QRSL1: variants seen among roughly 807,000 people sequenced by gnomAD.
The protein encoded by QRSL1 is glutaminyl-tRNA amidotransferase subunit QRSL1.
QRSL1 carries 54 observed loss-of-function variants against 61.6 expected under a neutral mutation model. The ratio of observed to expected loss-of-function variants is 0.88; its 90% confidence interval spans 0.70 to 1.10. The LOEUF is 1.10. Among genes scored for constraint, QRSL1 ranks in the 50% least tolerant of loss-of-function variants. The pLI is 0.00. For missense variants in QRSL1, 505 were observed against 622.6 expected, an observed-to-expected ratio of 0.81 and a Z score of 2.01; for synonymous variants, 228 against 225.7, an observed-to-expected ratio of 1.01 and a Z score of -0.09.
chr6:106,643,073 A>G lies in QRSL1; in HGVS notation c.363A>G (p.Leu121=), dbSNP rs1209965078. 4 of 1,608,358 alleles carry G rather than the reference A, an allele frequency of 2.5e-6. No homozygotes were observed. The highest frequency in any genetic ancestry group is 1.6e-4 in the Middle Eastern group (1 of 6,068). The change falls in exon 4 of 11, where the codon TTA becomes TTG. Residue 121 remains leucine (L), a synonymous_variant. Coordinates refer to ENST00000369046, the MANE Select transcript of QRSL1 (RefSeq NM_018292.5). ...QGALLMGKTN[L]DEFAMGSGST... is the part of the protein sequence containing the mutation. ...CTCTACTAATGGGAAAAACAAATTT[A>G]GATGAGTTTGCTATGGGGTAAGTAA... is the stretch of plus-strand genomic sequence containing the variant.
intron 3 of QRSL1, 74 bp from the exon 4 acceptor site, chr6:106,642,920 A>T: frequency 9.5e-7 from 1 of 1,048,674 alleles, no homozygotes; most frequent in East Asian, 2.4e-5. Flanking sequence ...CTGTGAATTC[A>T]TGGCATAATA....
At position 106,668,033 on chromosome 6, in the gene QRSL1, A is replaced by C. The variant is rs946883484; in HGVS notation, c.*2031A>C. Reference sequence around the variant, plus strand: ...AGTCTCAAACTCCTGGGCTCAAGTGATCTGCCTCCCTCAGCCTCCCAAAGT... The same window carrying C: ...AGTCTCAAACTCCTGGGCTCAAGTGCTCTGCCTCCCTCAGCCTCCCAAAGT... On this transcript the variant is annotated 3_prime_UTR_variant, in exon 11 of 11. Transcript: ENST00000369046. 6.6e-6 allele frequency: 1 copy of C among 152,024 alleles called. No individual in the cohort carries two copies. The highest frequency in any genetic ancestry group is 1.5e-5 in the Non-Finnish European group (1 of 68,014). The allele number at this position is 152,024 out of a possible 1,614,324, so 9.4% of individuals were successfully genotyped here. A position where few individuals can be genotyped will look rare whatever the true frequency, so the allele number is the denominator to read the frequency against.
intron 4 of QRSL1, among the ~76,000 whole-genome samples, chr6:106,646,014 T>G (rs1324390335): frequency 3.9e-5 from 6 of 152,248 alleles, no homozygotes; most frequent in African/African-American, 1.4e-4. Flanking sequence ...TGCCTTGATC[T>G]TGATCTTAGG....
At chr6:106,643,204 G>A in intron 4 of QRSL1, 114 bp downstream of exon 4, 1 of 726,728 alleles carries the variant, frequency 1.4e-6, no homozygotes, top group South Asian at 1.9e-5. Flanking sequence ...GTCCCTCTGT[G>A]AGATTATGTT....
At chr6:106,660,829 G>A (rs984872352) in intron 9 of QRSL1, among the ~76,000 whole-genome samples, 80 of 152,236 alleles carry the variant, frequency 5.3e-4, no homozygotes, top group African/African-American at 1.8e-3. Flanking sequence ...AAGAGGGAGA[G>A]AAAGGGAAAG....
rs1777470588 is a variant in QRSL1 at position 106,668,127 on chromosome 6, ATAT to A, written c.*2130_*2132del. 6.6e-6 allele frequency: 1 copy of A among 152,016 alleles called. No homozygotes were observed. The highest frequency in any genetic ancestry group is 1.5e-5 in the Non-Finnish European group (1 of 68,030). 9.4% of individuals were successfully genotyped at this position (152,016 alleles called of 1,614,324 possible). A position where few individuals can be genotyped will look rare whatever the true frequency, so the allele number is the denominator to read the frequency against. Reference sequence around the variant, plus strand: ...AATATTCAATATTATATATTCAATGATATTATTCAGTATTCAATATTATTTCAA... The same window carrying A: ...AATATTCAATATTATATATTCAATGATATTCAGTATTCAATATTATTTCAA... On this transcript the variant is annotated 3_prime_UTR_variant, in exon 11 of 11. Coordinates refer to ENST00000369046, the MANE Select transcript of QRSL1 (RefSeq NM_018292.5).
In QRSL1 at chr6:106,656,517, A is replaced by T. The variant is rs1777273770; in HGVS notation, c.1160+785A>T. On this transcript the variant is annotated intron_variant, in intron 9 of 10. Coordinates refer to ENST00000369046, the MANE Select transcript of QRSL1 (RefSeq NM_018292.5). ...AACAGGCTTCATCTTCTATACCACC[A>T]AGTGTGTCTAAGAGGACATGAGAAG... 3.3e-5 allele frequency among the ~76,000 whole-genome samples: 5 copies of T among 152,224 alleles called. No individual in the cohort carries two copies. The South Asian group carries it at 1.0e-3, about 31-fold the overall frequency.
intron 10 of QRSL1, among the ~76,000 whole-genome samples, chr6:106,665,446 C>A (rs1777416505): frequency 6.6e-6 from 1 of 152,162 alleles, no homozygotes; most frequent in African/African-American, 2.4e-5. Flanking sequence ...CAAAGTAATT[C>A]TCTGGGGCAT....
intron 1 of QRSL1, among the ~76,000 whole-genome samples, chr6:106,636,131 T>A (rs1207320153): frequency 2.0e-5 from 3 of 152,106 alleles, no homozygotes; most frequent in Admixed American, 6.5e-5. Context: ...ATTTTTGGGT[T>A]AGGGATGCTC....
At position 106,663,791 on chromosome 6, in the gene QRSL1, C is replaced by A. The variant is rs542419073; in HGVS notation, c.1366+606C>A. Among the ~76,000 whole-genome samples, 16 of 152,270 alleles carry A rather than the reference C, an allele frequency of 1.1e-4. No individual in the cohort carries two copies. In the South Asian group the frequency reaches 2.1e-3, roughly 20 times the overall value. ...TCTCACCACACACACACAAACACAA[C>A]ACACTTAGTAGTTTTTTTTAACTTT... On this transcript the variant is annotated intron_variant, in intron 10 of 10. Transcript: ENST00000369046.
intron 1 of QRSL1, among the ~76,000 whole-genome samples, chr6:106,639,250 C>T (rs1377305663): frequency 1.3e-5 from 2 of 151,538 alleles, no homozygotes; most frequent in Admixed American, 6.6e-5. Flanking sequence ...CTCAGCCTCC[C>T]AAGTAGCTGG....
At position 106,629,614 on chromosome 6, in the gene QRSL1, A is replaced by G. The variant is rs985092097; in HGVS notation, c.-68A>G. On this transcript the variant is annotated 5_prime_UTR_variant, in exon 1 of 11. Coordinates refer to ENST00000369046, the MANE Select transcript of QRSL1 (RefSeq NM_018292.5). ...AAGATGGCTGCGCCCATGTAACATC[A>G]CTAGCGACCGGTGACCTCTTTTTCC... 6.4e-7 allele frequency: 1 copy of G among 1,552,732 alleles called. No individual in the cohort carries two copies. The highest frequency in any genetic ancestry group is 8.7e-7 in the Non-Finnish European group (1 of 1,147,740).
At chr6:106,632,172 T>C (rs1353641423) in intron 1 of QRSL1, among the ~76,000 whole-genome samples, 1 of 152,174 alleles carries the variant, frequency 6.6e-6, no homozygotes, top group Non-Finnish European at 1.5e-5. Context: ...TAGTACTCCA[T>C]TGTGTACATG....
At chr6:106,648,893 C>A in intron 4 of QRSL1, 132 bp from the exon 5 acceptor site, 1 of 855,448 alleles carries the variant, frequency 1.2e-6, no homozygotes, top group Non-Finnish European at 1.7e-6. Flanking sequence ...GGCTTCCCAC[C>A]TTTTTCAATT....
At chr6:106,640,943 C>G in intron 3 of QRSL1, 22 bp downstream of exon 3, 1 of 1,535,214 alleles carries the variant, frequency 6.5e-7, no homozygotes, top group South Asian at 1.2e-5. Flanking sequence ...CTGATCAGAG[C>G]ATTGATAATT....
In QRSL1 at chr6:106,652,287, T is replaced by C; in HGVS notation, c.636T>C (p.Tyr212=). ...HCGLVGFKPS[Y]GLVSRHGLIP... is the part of the protein sequence containing the mutation. ...GGCTTGTTGGTTTCAAACCAAGCTATGGCTTAGTTTCCCGTCATGGTCTCA... is the reference window on the plus strand; with the variant it reads ...GGCTTGTTGGTTTCAAACCAAGCTACGGCTTAGTTTCCCGTCATGGTCTCA... Residue 212 remains tyrosine (Y), a synonymous_variant, in exon 6 of 11, where the codon TAT becomes TAC. Transcript: ENST00000369046. 1 of 1,614,242 alleles carries C rather than the reference T, an allele frequency of 6.2e-7. No homozygotes were observed. The highest frequency in any genetic ancestry group is 1.1e-5 in the South Asian group (1 of 91,090).
At chr6:106,640,793 C>T in intron 2 of QRSL1, 30 bp from the exon 3 acceptor site, 2 of 1,545,406 alleles carry the variant, frequency 1.3e-6, no homozygotes, top group East Asian at 2.3e-5. Flanking sequence ...AAACTATCTC[C>T]TTTATCACTC....
Position 106,643,549 on chromosome 6 carries a change from G to A in QRSL1, c.380+459G>A, listed in dbSNP as rs184182986. Among the ~76,000 whole-genome samples, 394 of 152,098 alleles carry A rather than the reference G, an allele frequency of 2.6e-3. 2 individuals carry two copies. The highest frequency in any genetic ancestry group is 8.9e-3 in the African/African-American group (370 of 41,528). On this transcript the variant is annotated intron_variant, in intron 4 of 10. Transcript: ENST00000369046. ...ACAAAAATTGCCTGGGTGTGGTGGC[G>A]CATGCCTGTAATCCCAGCTACTTGG...
At chr6:106,641,017 A>G (rs746995982) in intron 3 of QRSL1, 96 bp downstream of exon 3, 386 of 775,830 alleles carry the variant, frequency 5.0e-4, no homozygotes, top group Admixed American at 7.8e-4. Flanking sequence ...CAGACTAATT[A>G]TATCTTTGAA....
Sources: gnomAD v4.1 joint callset for allele counts (sites outside exome capture counted in the v4.1 genomes callset) on GRCh38, gnomAD v4.1.1 for gene constraint, MANE v1.5 for transcripts, NCBI Gene and HGNC (gene_info 2026-07-23, HGNC 2026-07-21) for gene names.